Variants in FOCAD observed in about 807,000 individuals in gnomAD.
FOCAD encodes the protein KIAA1797.
In FOCAD, 198 loss-of-function variants were observed where a neutral mutation model predicts 225.6. That is an observed-to-expected ratio of 0.88 (90% CI 0.78 to 0.99). The LOEUF (loss-of-function observed/expected upper bound fraction) is 0.99, where lower values mean the gene tolerates loss of function less well. Among genes scored for constraint, FOCAD ranks in the 50% least tolerant of loss-of-function variants. FOCAD has a pLI of 0.00. For missense variants in FOCAD, 2,713 were observed against 2,123.6 expected (o/e 1.28, Z -5.46); for synonymous variants, 897 against 755.0 (o/e 1.19, Z -3.08).
intron 4 of FOCAD, among the ~76,000 whole-genome samples, chr9:20,731,089 A>G (rs1398206035): frequency 6.6e-6 from 1 of 152,060 alleles, no homozygotes; most frequent in Admixed American, 6.5e-5. Flanking sequence ...TACAAAAAAA[A>G]TTAGCTGGGC....
At chr9:20,707,129 G>T (rs1411242419) in intron 1 of FOCAD, among the ~76,000 whole-genome samples, 1 of 152,186 alleles carries the variant, frequency 6.6e-6, no homozygotes, top group Non-Finnish European at 1.5e-5. Context: ...GATATTGGTG[G>T]ATAAATAGCA....
chr9:20,788,934 C>T (rs1820229429), intron 10 of FOCAD, among the ~76,000 whole-genome samples: 1 of 152,138 alleles, frequency 6.6e-6, no homozygotes, highest in African/African-American at 2.4e-5. Context: ...CCAAGTCTGC[C>T]ATCTGCCCCA....
intron 4 of FOCAD, among the ~76,000 whole-genome samples, chr9:20,722,117 A>G (rs1825837115): frequency 6.8e-6 from 1 of 146,000 alleles, no homozygotes; most frequent in African/African-American, 2.6e-5. Flanking sequence ...ATTGTAGCTC[A>G]CTCAAGCCTC....
At chr9:20,740,106 G>A in intron 4 of FOCAD, 130 bp from the exon 5 acceptor site, 3 of 581,480 alleles carry the variant, frequency 5.2e-6, no homozygotes, top group Non-Finnish European at 6.2e-6. Flanking sequence ...AATGAGTTGA[G>A]GGCCTGTGGG....
intron 1 of FOCAD, among the ~76,000 whole-genome samples, chr9:20,698,584 G>A (rs1823577534): frequency 1.3e-5 from 2 of 151,976 alleles, no homozygotes; most frequent in South Asian, 4.1e-4. Flanking sequence ...ATTTTTTGTA[G>A]AGATGAGGTC....
At chr9:20,985,092 A>G (rs1386438733) in intron 39 of FOCAD, among the ~76,000 whole-genome samples, 3 of 152,146 alleles carry the variant, frequency 2.0e-5, no homozygotes, top group Non-Finnish European at 2.9e-5. Flanking sequence ...CTGAGCCACC[A>G]TGCCCGGCCA....
chr9:20,739,195 T>A (rs2131653144), intron 4 of FOCAD, among the ~76,000 whole-genome samples: 1 of 152,344 alleles, frequency 6.6e-6, no homozygotes, highest in South Asian at 2.1e-4. Context: ...AAAAATAAAG[T>A]TAACATTGAT....
chr9:20,836,940 A>T (rs1826048654), intron 15 of FOCAD, among the ~76,000 whole-genome samples: 1 of 152,078 alleles, frequency 6.6e-6, no homozygotes, highest in East Asian at 1.9e-4. Context: ...GCTATATCCC[A>T]ACTTATAATG....
At chr9:20,777,284 A>G (rs574800531) in intron 8 of FOCAD, among the ~76,000 whole-genome samples, 2 of 133,662 alleles carry the variant, frequency 1.5e-5, no homozygotes, top group East Asian at 4.3e-4. Context: ...TAACTTACAG[A>G]TTTCCTTTTT....
Position 20,735,453 on chromosome 9 carries a change from C to T in FOCAD, c.288-4783C>T, listed in dbSNP as rs542824022. Among the ~76,000 whole-genome samples the T allele has an allele frequency of 9.7e-4, 147 of 151,890 alleles. 1 individual carries two copies. Among genetic ancestry groups the T allele is most frequent in the Non-Finnish European group, 1.8e-3 (121 of 67,966 alleles). On this transcript the variant is annotated intron_variant, in intron 4 of 43. Coordinates refer to ENST00000338382, the MANE Select transcript of FOCAD (RefSeq NM_001375567.1). ...CTTGTAGTCTACATGCTTTTTATTT[C>T]TTCAGTCAATCCTTCCTTCCTTCCT...
In FOCAD at chr9:20,692,993, G is replaced by T. The variant is rs73647613; in HGVS notation, c.-33+8700G>T. On this transcript the variant is annotated intron_variant, in intron 1 of 43. Coordinates refer to ENST00000338382, the MANE Select transcript of FOCAD (RefSeq NM_001375567.1). ...CTTCTATCTTTCCCCTTACAGTATT[G>T]TCAGAACAGCAGCCAGAGTGATTTT... 3.6e-3 allele frequency among the ~76,000 whole-genome samples: 550 copies of T among 152,244 alleles called. 2 individuals are homozygous for T. The highest frequency in any genetic ancestry group is 0.013 in the African/African-American group (524 of 41,544).
intron 4 of FOCAD, among the ~76,000 whole-genome samples, chr9:20,722,275 C>A (rs771406001): frequency 6.6e-6 from 1 of 151,978 alleles, no homozygotes; most frequent in Admixed American, 6.6e-5. Context: ...TAGATCCAGC[C>A]TTCTGTTCAA....
At chr9:20,801,805 G>T (rs187321950) in intron 11 of FOCAD, among the ~76,000 whole-genome samples, 21 of 152,236 alleles carry the variant, frequency 1.4e-4, no homozygotes, top group Admixed American at 1.2e-3. Context: ...ATGCTGCTAC[G>T]TGATAGCTGT....
intron 27 of FOCAD, among the ~76,000 whole-genome samples, chr9:20,932,120 G>T (rs1835539214): frequency 6.6e-6 from 1 of 152,092 alleles, no homozygotes; most frequent in South Asian, 2.1e-4. Context: ...TTACTCCAAA[G>T]GACAACTTTT....
At position 20,865,868 on chromosome 9, in the gene FOCAD, T is replaced by C. The variant is rs1193043358; in HGVS notation, c.2056-58T>C. ...TTCATTATTTGCTACTTTGGATTAT[T>C]TAGTCTCAGTTTTAGCTTGGTCTTA... is the stretch of plus-strand genomic sequence containing the variant. On this transcript the variant is annotated intron_variant, in intron 16 of 43. Coordinates refer to ENST00000338382, the MANE Select transcript of FOCAD (RefSeq NM_001375567.1). 1.3e-5 allele frequency: 16 copies of C among 1,256,624 alleles called. No individual in the cohort carries two copies. In the East Asian group the frequency reaches 3.3e-4, roughly 26 times the overall value. The allele number at this position is 1,256,624 out of a possible 1,614,324, so 77.8% of individuals were successfully genotyped here.
chr9:20,988,790 G>A (rs1841408238), intron 41 of FOCAD, among the ~76,000 whole-genome samples: 1 of 152,062 alleles, frequency 6.6e-6, no homozygotes, highest in Admixed American at 6.6e-5. Flanking sequence ...CTGTGTAGCT[G>A]GGATTGATCC....
At chr9:20,913,669 A>C (rs1026600283) in intron 23 of FOCAD, among the ~76,000 whole-genome samples, 9 of 152,180 alleles carry the variant, frequency 5.9e-5, no homozygotes, top group Non-Finnish European at 1.3e-4. Context: ...GAAAAGGAGA[A>C]ACTGTGTGTA....
chr9:20,823,604 C>G (rs1824558601), intron 15 of FOCAD, among the ~76,000 whole-genome samples: 2 of 152,068 alleles, frequency 1.3e-5, no homozygotes, highest in African/African-American at 2.4e-5. Flanking sequence ...GAACTTCAGA[C>G]TGTTCCCAGA....
chr9:20,725,334 A>C (rs1403270805), intron 4 of FOCAD, among the ~76,000 whole-genome samples: 1 of 152,214 alleles, frequency 6.6e-6, no homozygotes, highest in African/African-American at 2.4e-5. Context: ...GAGACACACC[A>C]TGATTGCTTA....
Sources: allele counts gnomAD v4.1 joint callset (sites outside exome capture counted in the v4.1 genomes callset), GRCh38; gene constraint gnomAD v4.1.1; transcripts MANE v1.5; gene names NCBI Gene and HGNC (gene_info 2026-07-23, HGNC 2026-07-21).